The following SYNJ2 variants were observed in gnomAD, a reference collection of about 807,000 sequenced individuals.
SYNJ2 encodes synaptojanin 2, also known as polyphosphatidylinositol phosphatase SYNJ2.
Under a neutral mutation model 141.3 loss-of-function variants are expected in SYNJ2, and 116 were observed. The observed-to-expected ratio is 0.82, with a 90% CI of 0.71 to 0.96. SYNJ2 has a LOEUF of 0.96. SYNJ2 is among the 40% of genes least tolerant of loss of function. The pLI is 0.00. For missense variants in SYNJ2, 1,873 were observed against 1,934.8 expected (o/e 0.97, Z 0.60); for synonymous variants, 745 against 777.7 (o/e 0.96, Z 0.70).
At position 158,070,505 on chromosome 6, in the gene SYNJ2, A is replaced by G. The variant is rs536784203; in HGVS notation, c.1940+832A>G. 4 of 985,428 alleles carry G rather than the reference A, an allele frequency of 4.1e-6. No individual in the cohort carries two copies. The highest frequency in any genetic ancestry group is 4.8e-6 in the Non-Finnish European group (4 of 829,996). The allele number at this position is 985,428 out of a possible 1,614,324, so 61.0% of individuals were successfully genotyped here. On this transcript the variant is annotated intron_variant, in intron 14 of 26. Transcript: ENST00000355585. The surrounding 1 kb of genome is among the most constrained non-coding windows in gnomAD (Gnocchi z 4.0). ...GGCAGTGTCCTAGGTTAGCAGGTGA[A>G]GGTTAGTAAAGGTTAAAGGCAAGGG...
intron 4 of SYNJ2, among the ~76,000 whole-genome samples, chr6:158,036,111 A>AC (rs1245319401): frequency 6.6e-6 from 1 of 152,194 alleles, no homozygotes; most frequent in East Asian, 1.9e-4. Context: ...ACAATGAGCT[A>AC]CCCCCTCACA....
chr6:158,049,145 A>G (rs1780417769), intron 5 of SYNJ2, among the ~76,000 whole-genome samples: 1 of 152,116 alleles, frequency 6.6e-6, no homozygotes, highest in Admixed American at 6.6e-5. Flanking sequence ...GACTATCCTC[A>G]TGGCTGTCTA....
intron 25 of SYNJ2, among the ~76,000 whole-genome samples, chr6:158,091,686 G>T (rs1431582531): frequency 6.6e-6 from 1 of 150,814 alleles, no homozygotes; most frequent in African/African-American, 2.4e-5. Flanking sequence ...GGAGGCAGAG[G>T]TTGCAGTGAG....
At chr6:158,061,477 T>C (rs1034906974) in intron 7 of SYNJ2, among the ~76,000 whole-genome samples, 2 of 152,206 alleles carry the variant, frequency 1.3e-5, no homozygotes, top group African/African-American at 4.8e-5. Flanking sequence ...AGCATCGGGA[T>C]GTGGGACCCA....
intron 24 of SYNJ2, among the ~76,000 whole-genome samples, chr6:158,089,367 GGT>G (rs927330889): frequency 6.6e-6 from 1 of 152,068 alleles, no homozygotes; most frequent in Non-Finnish European, 1.5e-5. Flanking sequence ...TGCTGGGCCT[GGT>G]TAAGTGCTTG....
intron 2 of SYNJ2, among the ~76,000 whole-genome samples, chr6:158,020,576 A>G (rs1447767820): frequency 6.6e-6 from 1 of 150,392 alleles, no homozygotes; most frequent in African/African-American, 2.5e-5. Flanking sequence ...TATATGACTG[A>G]CTTCAACCGT....
intron 12 of SYNJ2, among the ~76,000 whole-genome samples, 162 bp from the exon 13 acceptor site, chr6:158,068,485 G>A (rs1428067187): frequency 6.6e-6 from 1 of 152,268 alleles, no homozygotes; most frequent in Non-Finnish European, 1.5e-5. Context: ...CATTTCTGAA[G>A]CAGATTCCAC....
chr6:158,069,175 G>C (rs1042029283), intron 13 of SYNJ2, among the ~76,000 whole-genome samples: 73 of 152,114 alleles, frequency 4.8e-4, no homozygotes, highest in Non-Finnish European at 4.0e-4. Flanking sequence ...CAAAACCACT[G>C]GATTTTTATT....
intron 22 of SYNJ2, among the ~76,000 whole-genome samples, chr6:158,085,437 T>C (rs1191958127): frequency 6.6e-6 from 1 of 152,192 alleles, no homozygotes; most frequent in Non-Finnish European, 1.5e-5. Context: ...CAGGCATGCC[T>C]CTAGCTGTCA....
At chr6:157,996,113 G>A (rs536639989) in intron 1 of SYNJ2, among the ~76,000 whole-genome samples, 9 of 152,220 alleles carry the variant, frequency 5.9e-5, no homozygotes, top group Non-Finnish European at 8.8e-5. Flanking sequence ...TTACAGTATC[G>A]CTGGACTCCC....
chr6:157,997,406 C>CA (rs529705607), intron 1 of SYNJ2, among the ~76,000 whole-genome samples: 26 of 152,158 alleles, frequency 1.7e-4, no homozygotes, highest in Non-Finnish European at 3.1e-4. Context: ...GGGACACAGG[C>CA]AGACGCACGC....
chr6:158,094,095 G>C, intron 26 of SYNJ2: 1 of 682,662 alleles, frequency 1.5e-6, no homozygotes, highest in Non-Finnish European at 2.7e-6. Flanking sequence ...GAGTGTGAGG[G>C]GGGCTTCGGC....
intron 1 of SYNJ2, among the ~76,000 whole-genome samples, chr6:158,012,124 G>T (rs1056733200): frequency 6.6e-6 from 1 of 152,090 alleles, no homozygotes; most frequent in Non-Finnish European, 1.5e-5. Flanking sequence ...GACAGAGTCC[G>T]AGTGTCTCAC....
In SYNJ2 at chr6:158,084,585, G is replaced by A. The variant is rs1398553174; in HGVS notation, c.3208+411G>A. On this transcript the variant is annotated intron_variant, in intron 22 of 26. Coordinates refer to ENST00000355585, the MANE Select transcript of SYNJ2 (RefSeq NM_003898.4). The surrounding 1 kb of genome is among the most constrained non-coding windows in gnomAD (Gnocchi z 5.0). Reference sequence around the variant, plus strand: ...TTTGGGAGGCCGAGACAGGTGGATCGCTTGAGGTCAGGAGTTCAAGACCAG... The same window carrying A: ...TTTGGGAGGCCGAGACAGGTGGATCACTTGAGGTCAGGAGTTCAAGACCAG... Among the ~76,000 whole-genome samples, 1 of 151,966 alleles carries A rather than the reference G, an allele frequency of 6.6e-6. No homozygotes were observed. Among genetic ancestry groups the A allele is most frequent in the African/African-American group, 2.4e-5 (1 of 41,362 alleles).
In SYNJ2 at chr6:158,074,634, C is replaced by T. The variant is rs760486822; in HGVS notation, c.2188C>T (p.Arg730Cys). 13 of 1,613,834 alleles carry T rather than the reference C, an allele frequency of 8.1e-6. No individual in the cohort carries two copies. The highest frequency in any genetic ancestry group is 4.4e-5 in the South Asian group (4 of 90,988). The change falls in exon 16 of 27, where the codon CGC becomes TGC. Residue 730 changes from arginine (R) to cysteine (C), a missense_variant. Transcript: ENST00000355585. ...ATTTTGGTGTGGCGATTTCAACTAC[C>T]GCATTGATCTTACTTATGAAGAAGT... Reference protein sequence around the residue: ...YVFWCGDFNYRIDLTYEEVFY... With the variant: ...YVFWCGDFNYCIDLTYEEVFY...
intron 5 of SYNJ2, among the ~76,000 whole-genome samples, chr6:158,045,023 A>G (rs777182964): frequency 3.6e-4 from 54 of 149,290 alleles, no homozygotes; most frequent in Admixed American, 2.7e-4. Flanking sequence ...AATGGTCATG[A>G]TGGATTCTTA....
At chr6:158,074,317 T>C (rs142078524) in intron 15 of SYNJ2, among the ~76,000 whole-genome samples, 195 of 152,322 alleles carry the variant, frequency 1.3e-3, no homozygotes, top group African/African-American at 4.5e-3. Context: ...CTGGCCATGT[T>C]GCTCTCCTCC....
At chr6:158,068,327 G>T (rs1781693675) in intron 12 of SYNJ2, among the ~76,000 whole-genome samples, 1 of 152,126 alleles carries the variant, frequency 6.6e-6, no homozygotes, top group Admixed American at 6.5e-5. Flanking sequence ...GACTGGGCTT[G>T]GTGGCTCAGG....
chr6:158,017,222 T>C lies in SYNJ2; in HGVS notation c.146T>C (p.Val49Ala), dbSNP rs1369323621. The change falls in exon 2 of 27, where the codon GTC (valine) becomes GCC (alanine). Residue 49 changes from valine (V) to alanine (A), a missense_variant. Physicochemically the swap from Val to Ala is moderately conservative, Grantham distance 64 (BLOSUM62 0). Transcript: ENST00000355585. ...TCCCCAGCTCCAGAAGAAAAGGAAGTCATTAAAGGACAGTATGGCAAGCTC... is the reference window on the plus strand; with the variant it reads ...TCCCCAGCTCCAGAAGAAAAGGAAGCCATTAAAGGACAGTATGGCAAGCTC... Reference protein sequence around the residue: ...VATLAPEEKEVIKGQYGKLTD... With the variant: ...VATLAPEEKEAIKGQYGKLTD... 1 of 1,612,836 alleles carries C rather than the reference T, an allele frequency of 6.2e-7. No individual in the cohort carries two copies. Among genetic ancestry groups the C allele is most frequent in the Non-Finnish European group, 8.5e-7 (1 of 1,179,642 alleles).
Sources: allele counts gnomAD v4.1 joint callset (sites outside exome capture counted in the v4.1 genomes callset), GRCh38; gene constraint gnomAD v4.1.1; non-coding constraint Gnocchi (gnomAD v3.1); transcripts MANE v1.5; gene names NCBI Gene and HGNC (gene_info 2026-07-23, HGNC 2026-07-21).